DOCK10: variants seen among roughly 807,000 people sequenced by gnomAD.
DOCK10 encodes dedicator of cytokinesis 10, also known as dedicator of cytokinesis protein 10.
A neutral mutation model predicts 280.1 loss-of-function variants in DOCK10; 145 were observed. That is an observed-to-expected ratio of 0.52 (90% CI 0.45 to 0.59). The LOEUF is 0.59. Ranked by LOEUF, DOCK10 falls within the 20% of genes least tolerant of loss-of-function variation. The probability of loss-of-function intolerance (pLI) is 0.00; values close to 1 mark genes in which losing one functional copy is unlikely to be tolerated. For synonymous variants in DOCK10, 915 were observed against 942.2 expected (o/e 0.97, Z 0.53); for missense variants, 2,368 against 2,651.7 (o/e 0.89, Z 2.35).
At chr2:224,909,471 T>C (rs1321279227) in intron 3 of DOCK10, among the ~76,000 whole-genome samples, 1 of 152,118 alleles carries the variant, frequency 6.6e-6, no homozygotes, top group Non-Finnish European at 1.5e-5. Flanking sequence ...GGCAGAAAAG[T>C]TAATAGTTTG....
intron 1 of DOCK10, among the ~76,000 whole-genome samples, chr2:224,963,541 C>A (rs1704564485): frequency 6.6e-6 from 1 of 152,134 alleles, no homozygotes; most frequent in South Asian, 2.1e-4. Flanking sequence ...CACCAAATTT[C>A]TTCTTTAATT....
chr2:224,890,349 T>A (rs1699585838), intron 4 of DOCK10, among the ~76,000 whole-genome samples: 1 of 152,150 alleles, frequency 6.6e-6, no homozygotes, highest in African/African-American at 2.4e-5. Context: ...AGTAACGATG[T>A]AAAAACAAAA....
intron 1 of DOCK10, among the ~76,000 whole-genome samples, chr2:224,963,323 A>G (rs1384123506): frequency 1.3e-5 from 2 of 152,198 alleles, no homozygotes; most frequent in Non-Finnish European, 2.9e-5. Flanking sequence ...AAGGATTTCT[A>G]CTGCTGATAT....
intron 47 of DOCK10, among the ~76,000 whole-genome samples, chr2:224,789,652 A>G (rs556062147): frequency 6.6e-6 from 1 of 152,192 alleles, no homozygotes; most frequent in African/African-American, 2.4e-5. Flanking sequence ...AGACAGGAGG[A>G]TTGCTTGAGC....
intron 1 of DOCK10, among the ~76,000 whole-genome samples, chr2:224,971,590 C>T (rs985901020): frequency 7.4e-4 from 112 of 152,230 alleles, no homozygotes; most frequent in African/African-American, 2.5e-3. Flanking sequence ...CTATGAAGTC[C>T]TTGAAAGGTG....
At chr2:224,801,282 C>CAAAAAA (rs3083075) in intron 40 of DOCK10, among the ~76,000 whole-genome samples, 1 of 74,644 alleles carries the variant, frequency 1.3e-5, no homozygotes, top group Non-Finnish European at 2.5e-5. Context: ...CAAGACATGG[C>CAAAAAA]AAAAAAAAAA....
chr2:224,829,420 C>T (rs1302138583), intron 27 of DOCK10, among the ~76,000 whole-genome samples: 2 of 152,176 alleles, frequency 1.3e-5, no homozygotes, highest in African/African-American at 4.8e-5. Flanking sequence ...TCTGACACTG[C>T]TTCTTCCCCA....
chr2:225,026,901 T>A (rs183001098), intron 1 of DOCK10, among the ~76,000 whole-genome samples: 2 of 152,206 alleles, frequency 1.3e-5, no homozygotes, highest in Admixed American at 1.3e-4. Context: ...TGACCAGATA[T>A]ATAGTGAATC....
intron 1 of DOCK10, among the ~76,000 whole-genome samples, chr2:224,957,780 A>C (rs1261066947): frequency 6.6e-6 from 1 of 152,168 alleles, no homozygotes. Context: ...ATTAGTGCAT[A>C]AGCCTAGGTT....
intron 1 of DOCK10, among the ~76,000 whole-genome samples, chr2:224,946,294 A>G (rs1165663584): frequency 6.6e-6 from 1 of 152,208 alleles, no homozygotes; most frequent in Non-Finnish European, 1.5e-5. Flanking sequence ...ACAAAACCAA[A>G]TCTTTTTAAC....
intron 1 of DOCK10, among the ~76,000 whole-genome samples, chr2:224,988,232 T>C (rs2126265995): frequency 6.6e-6 from 1 of 152,214 alleles, no homozygotes; most frequent in African/African-American, 2.4e-5. Flanking sequence ...ACCCTGTAGG[T>C]TTCCTTTCTA....
chr2:224,907,639 G>T (rs1700731747), intron 3 of DOCK10, among the ~76,000 whole-genome samples: 1 of 149,684 alleles, frequency 6.7e-6, no homozygotes, highest in Admixed American at 6.7e-5. Context: ...AGAGAGCTGA[G>T]ATTGCGCCAC....
At chr2:224,950,016 G>A (rs1189768710) in intron 1 of DOCK10, among the ~76,000 whole-genome samples, 1 of 152,162 alleles carries the variant, frequency 6.6e-6, no homozygotes, top group African/African-American at 2.4e-5. Flanking sequence ...GCTAGTTCAT[G>A]GAAGGCTTTG....
Position 224,786,977 on chromosome 2 carries a change from C to G in DOCK10, c.5655+45G>C. 1 of 1,401,364 alleles carries G rather than the reference C, an allele frequency of 7.1e-7. No individual in the cohort carries two copies. The allele number at this position is 1,401,364 out of a possible 1,614,324, so 86.8% of individuals were successfully genotyped here. ...ATAAAGAATGAAAGACAACATTCAACTGCTCAGCAGAATTTATGGGCCGTG... is the reference window on the plus strand; with the variant it reads ...ATAAAGAATGAAAGACAACATTCAAGTGCTCAGCAGAATTTATGGGCCGTG... On this transcript the variant is annotated intron_variant, in intron 50 of 55. Transcript: ENST00000258390. This position sits in a 1 kb window ranked among gnomAD's most constrained non-coding sequence, Gnocchi z 4.7.
intron 14 of DOCK10, among the ~76,000 whole-genome samples, chr2:224,857,558 A>G (rs1348127401): frequency 6.6e-6 from 1 of 152,234 alleles, no homozygotes; most frequent in Admixed American, 6.5e-5. Flanking sequence ...TATGAATCTG[A>G]GCCACTTATT....
At chr2:224,768,243 AT>A (rs1470149631) in intron 55 of DOCK10, among the ~76,000 whole-genome samples, 1 of 151,940 alleles carries the variant, frequency 6.6e-6, no homozygotes, top group Non-Finnish European at 1.5e-5. Context: ...GTTCAATAGA[AT>A]TTTTTTCCTT....
intron 4 of DOCK10, among the ~76,000 whole-genome samples, chr2:224,887,898 A>AT (rs1451927501): frequency 1.3e-5 from 2 of 152,160 alleles, no homozygotes; most frequent in Admixed American, 1.3e-4. Flanking sequence ...CATCCTGCAC[A>AT]TGTGCTACTT....
chr2:224,783,268 C>T (rs1389709688), intron 50 of DOCK10, among the ~76,000 whole-genome samples: 4 of 139,490 alleles, frequency 2.9e-5, no homozygotes, highest in Admixed American at 1.4e-4. Context: ...TAAGCTCAGA[C>T]TGGAATTTTT....
intron 7 of DOCK10, among the ~76,000 whole-genome samples, chr2:224,880,304 C>T (rs1246665651): frequency 1.3e-5 from 2 of 152,038 alleles, no homozygotes; most frequent in African/African-American, 4.8e-5. Context: ...GAAATAGAAC[C>T]ATTTGCAGCC....
Sources: allele counts gnomAD v4.1 joint callset (sites outside exome capture counted in the v4.1 genomes callset), GRCh38; gene constraint gnomAD v4.1.1; non-coding constraint Gnocchi (gnomAD v3.1); transcripts MANE v1.5; gene names NCBI Gene and HGNC (gene_info 2026-07-23, HGNC 2026-07-21).